The following SOS2 variants were observed in gnomAD, a reference collection of about 807,000 sequenced individuals.
SOS2 encodes SOS Ras/Rho guanine nucleotide exchange factor 2, also known as son of sevenless homolog 2.
Under a neutral mutation model 148.2 loss-of-function variants are expected in SOS2, and 65 were observed. The observed-to-expected ratio is 0.44, with a 90% CI of 0.36 to 0.54. The LOEUF (loss-of-function observed/expected upper bound fraction) is 0.54. Ranked by LOEUF, SOS2 falls within the 20% of genes least tolerant of loss-of-function variation. SOS2 has a pLI of 0.00. For missense variants in SOS2, 1,341 were observed against 1,590.2 expected (o/e 0.84, Z 2.67); for synonymous variants, 539 against 537.1 (o/e 1.00, Z -0.05).
chr14:50,221,022 A>G (rs1033524280), intron 1 of SOS2, among the ~76,000 whole-genome samples: 6 of 152,200 alleles, frequency 3.9e-5, no homozygotes, highest in Non-Finnish European at 5.9e-5. Context: ...CACAGCAGGG[A>G]CAATGCTAGT....
At chr14:50,131,535 C>CAGTTTGAGATGCTCAAACATATCT (rs1167916267) in intron 19 of SOS2, among the ~76,000 whole-genome samples, 4 of 150,826 alleles carry the variant, frequency 2.7e-5, no homozygotes, top group African/African-American at 4.9e-5. Context: ...CATGTCTGAA[C>CAGTTTGAGATGCTCAAACATATCT]AGTTTGAGAT....
chr14:50,204,928 C>T (rs1886613822), intron 1 of SOS2, among the ~76,000 whole-genome samples: 1 of 144,254 alleles, frequency 6.9e-6, no homozygotes, highest in Non-Finnish European at 1.5e-5. Context: ...GCAGCTGCAT[C>T]CTTCTAGGGA....
intron 1 of SOS2, among the ~76,000 whole-genome samples, chr14:50,218,152 A>C (rs969930123): frequency 5.3e-5 from 8 of 150,098 alleles, no homozygotes; most frequent in African/African-American, 2.0e-4. Flanking sequence ...AAAAAAAAAA[A>C]GAAAGAAAGA....
intron 16 of SOS2, among the ~76,000 whole-genome samples, chr14:50,142,304 G>A (rs373640743): frequency 1.3e-5 from 2 of 151,882 alleles, no homozygotes; most frequent in South Asian, 2.1e-4. Flanking sequence ...CACTGCCCCC[G>A]GCCTATTTCA....
At chr14:50,217,821 T>C (rs1887078574) in intron 1 of SOS2, among the ~76,000 whole-genome samples, 1 of 151,960 alleles carries the variant, frequency 6.6e-6, no homozygotes, top group Non-Finnish European at 1.5e-5. Flanking sequence ...CTGGGCGTGG[T>C]GGCGGGCGCC....
At chr14:50,175,003 AC>A (rs1264298068) in intron 7 of SOS2, among the ~76,000 whole-genome samples, 1 of 152,226 alleles carries the variant, frequency 6.6e-6, no homozygotes, top group African/African-American at 2.4e-5. Context: ...TTTATGAAAA[AC>A]GTCTGTCATA....
chr14:50,141,891 T>C (rs375833565), intron 16 of SOS2, among the ~76,000 whole-genome samples: 106 of 152,258 alleles, frequency 7.0e-4, no homozygotes, highest in Non-Finnish European at 1.3e-3. Flanking sequence ...TAGTTTAGAC[T>C]AGTGGCACTG....
At chr14:50,179,527 G>A (rs535321875) in intron 7 of SOS2, among the ~76,000 whole-genome samples, 6 of 151,992 alleles carry the variant, frequency 3.9e-5, no homozygotes, top group African/African-American at 7.2e-5. Context: ...CACCACACTC[G>A]GCTAAGTTTT....
chr14:50,132,133 C>T lies in SOS2; in HGVS notation c.3076-1371G>A, dbSNP rs933367097. Among the ~76,000 whole-genome samples, 12 of 151,926 alleles carry T rather than the reference C, an allele frequency of 7.9e-5. 1 individual carries two copies. The highest frequency in any genetic ancestry group is 1.8e-4 in the Non-Finnish European group (12 of 67,974). On this transcript the variant is annotated intron_variant, in intron 19 of 22. Transcript: ENST00000216373. ...TTAATAGGAAATGAAACACGGTTTC[C>T]CAGTATCATCCTGAAGACAAAGCAC...
At chr14:50,134,370 C>A in intron 18 of SOS2, 131 bp from the exon 19 acceptor site, 1 of 547,862 alleles carries the variant, frequency 1.8e-6, no homozygotes, top group Non-Finnish European at 3.2e-6. Context: ...CATTAAGAGC[C>A]CACAATATGT....
rs779198092 is a variant in SOS2 at position 50,204,422 on chromosome 14, G to GT, written c.88-14dup. On this transcript the variant is annotated splice_polypyrimidine_tract_variant and intron_variant, in intron 1 of 22. Coordinates refer to ENST00000216373, the MANE Select transcript of SOS2 (RefSeq NM_006939.4). ...CTTGTTCCTGAACCTTTAAAAAAAA[G>GT]TTATCAGTTAAAGTAATGGCAAAAT... 1.7e-5 allele frequency: 25 copies of GT among 1,515,140 alleles called. No homozygotes were observed. In the East Asian group the frequency reaches 5.5e-4, roughly 33 times the overall value. 93.9% of individuals were successfully genotyped at this position (1,515,140 alleles called of 1,614,324 possible). A position where few individuals can be genotyped will look rare whatever the true frequency, so the allele number is the denominator to read the frequency against.
chr14:50,125,660 A>G (rs1023123275), intron 21 of SOS2, among the ~76,000 whole-genome samples: 2 of 152,142 alleles, frequency 1.3e-5, no homozygotes, highest in African/African-American at 4.8e-5. Context: ...ACAGAACCAA[A>G]TAAGGATTCA....
At chr14:50,224,444 G>C (rs1270983926) in intron 1 of SOS2, among the ~76,000 whole-genome samples, 1 of 151,064 alleles carries the variant, frequency 6.6e-6, no homozygotes, top group Non-Finnish European at 1.5e-5. Flanking sequence ...AGGGAAACTA[G>C]AAGGAATATT....
Position 50,118,460 on chromosome 14 carries a change from T to G in SOS2, c.3883A>C (p.Arg1295=). 1 of 1,614,160 alleles carries G rather than the reference T, an allele frequency of 6.2e-7. No homozygotes were observed. Residue 1295 remains arginine (R), a synonymous_variant, in exon 23 of 23, where the codon AGG becomes CGG. Coordinates refer to ENST00000216373, the MANE Select transcript of SOS2 (RefSeq NM_006939.4). ...AHPPAPPVPP[R]QNSSPHLPKL... ...GGCAGATGAGGGCTTGAATTCTGCC[T>G]TGGTGGAACAGGGGGAGCTGGAGGA... is the stretch of plus-strand genomic sequence containing the variant.
chr14:50,145,860 C>T lies in SOS2; in HGVS notation c.2385-264G>A, dbSNP rs949892366. 7.9e-5 allele frequency among the ~76,000 whole-genome samples: 12 copies of T among 152,248 alleles called. No homozygotes were observed. The East Asian group carries it at 1.7e-3, about 22-fold the overall frequency. Reference sequence around the variant, plus strand: ...AAAAGTCTGATAACTCAAGGCCAGGCGTGGTGGCTCATGCCTGTAATCCCA... The same window carrying T: ...AAAAGTCTGATAACTCAAGGCCAGGTGTGGTGGCTCATGCCTGTAATCCCA... On this transcript the variant is annotated intron_variant, in intron 14 of 22. Coordinates refer to ENST00000216373, the MANE Select transcript of SOS2 (RefSeq NM_006939.4).
chr14:50,123,224 T>C (rs1461995479), intron 21 of SOS2, among the ~76,000 whole-genome samples: 1 of 152,140 alleles, frequency 6.6e-6, no homozygotes, highest in African/African-American at 2.4e-5. Flanking sequence ...AAAGCACTGA[T>C]GCAATAATGT....
intron 8 of SOS2, among the ~76,000 whole-genome samples, chr14:50,170,783 A>G (rs1487359041): frequency 6.8e-6 from 1 of 147,400 alleles, no homozygotes; most frequent in African/African-American, 2.5e-5. Context: ...ATGAGATACC[A>G]CCTCGTATCC....
At chr14:50,220,620 C>G (rs112982763) in intron 1 of SOS2, among the ~76,000 whole-genome samples, 1 of 152,060 alleles carries the variant, frequency 6.6e-6, no homozygotes, top group Non-Finnish European at 1.5e-5. Context: ...GGAATTCCCT[C>G]TCTTACGTTT....
chr14:50,186,958 C>T (rs1379948709), intron 5 of SOS2, among the ~76,000 whole-genome samples: 4 of 152,174 alleles, frequency 2.6e-5, no homozygotes, highest in African/African-American at 9.6e-5. Flanking sequence ...TATTTACTCA[C>T]GATGTAGTTA....
Sources: allele counts gnomAD v4.1 joint callset (sites outside exome capture counted in the v4.1 genomes callset), GRCh38; gene constraint gnomAD v4.1.1; transcripts MANE v1.5; gene names NCBI Gene and HGNC (gene_info 2026-07-23, HGNC 2026-07-21).